MKLN1: variants seen among roughly 807,000 people sequenced by gnomAD.
The protein encoded by MKLN1 is muskelin 1, also known as muskelin.
In MKLN1, 18 loss-of-function variants were observed where a neutral mutation model predicts 99.0. That is an observed-to-expected ratio of 0.18 (90% CI 0.13 to 0.27). The LOEUF (loss-of-function observed/expected upper bound fraction) is 0.27. Ranked by LOEUF, MKLN1 falls within the 10% of genes least tolerant of loss-of-function variation. The probability of loss-of-function intolerance (pLI) is 1.00; values close to 1 mark genes in which losing one functional copy is unlikely to be tolerated. For missense variants in MKLN1, 621 were observed against 875.9 expected, an observed-to-expected ratio of 0.71 and a Z score of 3.67; for synonymous variants, 288 against 293.2, an observed-to-expected ratio of 0.98 and a Z score of 0.18.
Position 131,375,491 on chromosome 7 carries a change from CAGG to C in MKLN1, c.167_168+1del. ...GTCTTCAGAGAGCAACTATCCTCCC[CAGG>C]TAAGATTACATGTATCCCTTAATGC... is the stretch of plus-strand genomic sequence containing the variant. On this transcript the variant is annotated splice_donor_variant and coding_sequence_variant, in exon 2 of 18. Coordinates refer to ENST00000352689, the MANE Select transcript of MKLN1 (RefSeq NM_013255.5). LOFTEE classifies it high-confidence loss of function. The C allele has an allele frequency of 6.3e-7, 1 of 1,598,604 alleles. No homozygotes were observed.
At chr7:131,210,392 C>T (rs11489542) in intron 3 of MKLN1, among the ~76,000 whole-genome samples, 3,661 of 151,754 alleles carry the variant, frequency 0.024, 137 homozygotes, top group African/African-American at 0.083. Flanking sequence ...AATTAGCAGG[C>T]GTGGCAGCGT....
At chr7:131,353,722 T>C (rs948521323) in intron 1 of MKLN1, among the ~76,000 whole-genome samples, 1 of 151,966 alleles carries the variant, frequency 6.6e-6, no homozygotes, top group African/African-American at 2.4e-5. Flanking sequence ...GTCTTATGTT[T>C]ATATTTTTTT....
At chr7:131,112,451 A>G (rs1443926574) in intron 1 of MKLN1, among the ~76,000 whole-genome samples, 1 of 152,248 alleles carries the variant, frequency 6.6e-6, no homozygotes, top group Non-Finnish European at 1.5e-5. Context: ...CTGTTGACAG[A>G]AAAATAAAAT....
Position 131,455,639 on chromosome 7 carries a change from A to ACC in MKLN1, c.1526-7578_1526-7577insCC, listed in dbSNP as rs1401166382. Among the ~76,000 whole-genome samples, 7 of 152,308 alleles carry ACC rather than the reference A, an allele frequency of 4.6e-5. No individual in the cohort carries two copies. In the East Asian group the frequency reaches 9.6e-4, roughly 21 times the overall value. On this transcript the variant is annotated intron_variant, in intron 12 of 17. Coordinates refer to ENST00000352689, the MANE Select transcript of MKLN1 (RefSeq NM_013255.5). ...AACTGGTTAAGGTTAAAGACTGGTT[A>ACC]AGGTCCTGGCATTTAGTTGAGCTTT...
chr7:131,439,065 G>T (rs187354968), intron 10 of MKLN1, among the ~76,000 whole-genome samples: 33 of 152,200 alleles, frequency 2.2e-4, no homozygotes, highest in African/African-American at 7.0e-4. Context: ...ATACTCCCCA[G>T]CTTAAATTTG....
intron 15 of MKLN1, among the ~76,000 whole-genome samples, chr7:131,470,098 C>G (rs141328904): frequency 6.6e-6 from 1 of 152,258 alleles, no homozygotes; most frequent in East Asian, 1.9e-4. Context: ...AACTCCTGGA[C>G]TCAAGCAGTC....
intron 3 of MKLN1, among the ~76,000 whole-genome samples, chr7:131,227,139 C>G (rs558074906): frequency 6.6e-6 from 1 of 152,310 alleles, no homozygotes; most frequent in East Asian, 1.9e-4. Flanking sequence ...GCTCCTGTAA[C>G]CCGTTTCTTT....
chr7:131,227,495 C>CTTTCTTTCTTTCTTTCTT (rs767797052), intron 3 of MKLN1, among the ~76,000 whole-genome samples: 19 of 115,788 alleles, frequency 1.6e-4, no homozygotes, highest in East Asian at 7.2e-4. Context: ...CTCTTTCTTT[C>CTTTCTTTCTTTCTTTCTT]TCTTTCTTTC....
At chr7:131,450,140 T>A (rs982639701) in intron 12 of MKLN1, among the ~76,000 whole-genome samples, 2 of 152,200 alleles carry the variant, frequency 1.3e-5, no homozygotes, top group Non-Finnish European at 2.9e-5. Context: ...TTGGCCTCTG[T>A]CTCTAGACTT....
At chr7:131,183,138 CTT>C (rs1711203614) in intron 2 of MKLN1, among the ~76,000 whole-genome samples, 1 of 152,184 alleles carries the variant, frequency 6.6e-6, no homozygotes, top group South Asian at 2.1e-4. Flanking sequence ...AAGACAATAT[CTT>C]ATCATTAAAA....
intron 1 of MKLN1, among the ~76,000 whole-genome samples, chr7:131,123,022 CAAAAAAAAAAAAAAA>C (rs59581806): frequency 5.0e-5 from 3 of 60,374 alleles, no homozygotes; most frequent in African/African-American, 7.0e-5. Context: ...GACTCCGTCT[CAAAAAAAAAAAAAAA>C]AAAAAAAAAA....
chr7:131,304,941 G>A (rs1189438369), intron 3 of MKLN1, among the ~76,000 whole-genome samples: 1 of 152,144 alleles, frequency 6.6e-6, no homozygotes, highest in East Asian at 1.9e-4. Context: ...CCTTATAAAA[G>A]GGCTGGAAGG....
At chr7:131,381,620 C>T (rs1403535488) in intron 2 of MKLN1, among the ~76,000 whole-genome samples, 2 of 152,136 alleles carry the variant, frequency 1.3e-5, no homozygotes, top group Non-Finnish European at 2.9e-5. Flanking sequence ...CTGACCTCAT[C>T]ACTACCACCA....
At chr7:131,368,360 A>G (rs1268230541) in intron 1 of MKLN1, among the ~76,000 whole-genome samples, 1 of 152,136 alleles carries the variant, frequency 6.6e-6, no homozygotes, top group African/African-American at 2.4e-5. Flanking sequence ...TGATTTTCTG[A>G]TGGTGTGTTA....
intron 3 of MKLN1, among the ~76,000 whole-genome samples, chr7:131,206,530 G>A (rs569632562): frequency 1.4e-4 from 20 of 144,754 alleles, no homozygotes; most frequent in Non-Finnish European, 2.9e-4. Flanking sequence ...GTATGTATGT[G>A]TATAATTATT....
At chr7:131,252,229 A>T (rs981790990) in intron 3 of MKLN1, among the ~76,000 whole-genome samples, 1 of 152,186 alleles carries the variant, frequency 6.6e-6, no homozygotes, top group Admixed American at 6.5e-5. Context: ...AGTAGGGGGA[A>T]AAACAATGGA....
chr7:131,352,695 G>A (rs1305194402), intron 1 of MKLN1, among the ~76,000 whole-genome samples: 4 of 152,042 alleles, frequency 2.6e-5, no homozygotes, highest in Non-Finnish European at 1.5e-5. Flanking sequence ...CCGTTAGACT[G>A]TTTTCTACTG....
At chr7:131,275,567 ATTTTTTTTTTTTT>A (rs869119196) in intron 3 of MKLN1, among the ~76,000 whole-genome samples, 2 of 5,628 alleles carry the variant, frequency 3.6e-4, no homozygotes, top group Non-Finnish European at 7.9e-4. Context: ...ATATATATAT[ATTTTTTTTTTTTT>A]TTTTTTTTTT....
At chr7:131,236,957 C>G (rs1004327337) in intron 3 of MKLN1, among the ~76,000 whole-genome samples, 5 of 152,064 alleles carry the variant, frequency 3.3e-5, no homozygotes, top group East Asian at 1.9e-4. Context: ...CCATTGCACT[C>G]TAGCCCGGGT....
Sources: allele counts gnomAD v4.1 joint callset (sites outside exome capture counted in the v4.1 genomes callset), GRCh38; gene constraint gnomAD v4.1.1; transcripts MANE v1.5; gene names NCBI Gene and HGNC (gene_info 2026-07-23, HGNC 2026-07-21).